The following RAB6A variants were observed in gnomAD, a reference collection of about 807,000 sequenced individuals.
RAB6A encodes the protein RAB6A, member RAS oncogene family.
A neutral mutation model predicts 32.3 loss-of-function variants in RAB6A; 8 were observed. That is an observed-to-expected ratio of 0.25 (90% confidence interval 0.15 to 0.45). RAB6A has a LOEUF of 0.45. RAB6A is among the 20% of genes least tolerant of loss of function. The pLI is 1.00. For missense variants in RAB6A, 104 were observed against 249.4 expected, an observed-to-expected ratio of 0.42 and a Z score of 3.93; for synonymous variants, 73 against 82.1, an observed-to-expected ratio of 0.89 and a Z score of 0.60.
At chr11:73,678,553 G>A (rs1432229936) in intron 7 of RAB6A, among the ~76,000 whole-genome samples, 2 of 150,408 alleles carry the variant, frequency 1.3e-5, no homozygotes, top group Admixed American at 1.3e-4. Context: ...GGAGGCAGAG[G>A]TTGTGGTGAG....
At chr11:73,719,694 C>T (rs947108404) in intron 3 of RAB6A, among the ~76,000 whole-genome samples, 19 of 151,666 alleles carry the variant, frequency 1.3e-4, no homozygotes, top group Non-Finnish European at 2.1e-4. Flanking sequence ...CGGCTCACTG[C>T]AACCTCTGCC....
At chr11:73,701,786 G>A (rs2134906905) in intron 6 of RAB6A, among the ~76,000 whole-genome samples, 1 of 152,200 alleles carries the variant, frequency 6.6e-6, no homozygotes, top group Non-Finnish European at 1.5e-5. Context: ...CCAAGTAGTT[G>A]GGACTACCAC....
At chr11:73,740,587 T>TAA (rs937295662) in intron 1 of RAB6A, among the ~76,000 whole-genome samples, 8 of 146,172 alleles carry the variant, frequency 5.5e-5, no homozygotes, top group African/African-American at 2.0e-4. Flanking sequence ...AAAGTTAATT[T>TAA]AAAAAAAAAA....
intron 2 of RAB6A, among the ~76,000 whole-genome samples, chr11:73,725,047 TAGG>T (rs994612580): frequency 8.5e-5 from 13 of 152,190 alleles, no homozygotes; most frequent in African/African-American, 2.9e-4. Context: ...TGGCTTTTGA[TAGG>T]AGGAGGGCAT....
chr11:73,741,042 ATATT>A (rs1414320900), intron 1 of RAB6A, among the ~76,000 whole-genome samples: 2 of 152,316 alleles, frequency 1.3e-5, no homozygotes, highest in South Asian at 2.1e-4. Flanking sequence ...CTCCACAATA[ATATT>A]TATTAGATCT....
chr11:73,748,374 A>T (rs1232144762), intron 1 of RAB6A, among the ~76,000 whole-genome samples: 1 of 152,234 alleles, frequency 6.6e-6, no homozygotes. Flanking sequence ...CTCTTTGAGC[A>T]GCCATAGCAA....
chr11:73,710,378 G>A (rs1020597047), intron 5 of RAB6A, among the ~76,000 whole-genome samples: 5 of 151,798 alleles, frequency 3.3e-5, no homozygotes, highest in Non-Finnish European at 4.4e-5. Context: ...TTTATTTTAT[G>A]CAGAATACAG....
At chr11:73,710,816 G>A (rs573136873) in intron 5 of RAB6A, among the ~76,000 whole-genome samples, 2 of 150,732 alleles carry the variant, frequency 1.3e-5, no homozygotes, top group South Asian at 4.2e-4. Flanking sequence ...TGGCAGGATT[G>A]TAGCTCACTG....
At chr11:73,681,779 A>T (rs927064312) in intron 6 of RAB6A, among the ~76,000 whole-genome samples, 1 of 152,218 alleles carries the variant, frequency 6.6e-6, no homozygotes, top group Non-Finnish European at 1.5e-5. Flanking sequence ...ACTGCACTGC[A>T]GCCTGGGCGA....
intron 1 of RAB6A, among the ~76,000 whole-genome samples, chr11:73,755,966 AAC>A (rs1157657378): frequency 6.6e-6 from 1 of 152,152 alleles, no homozygotes; most frequent in African/African-American, 2.4e-5. Context: ...CAACTACATT[AAC>A]AGAGCTCTTC....
Position 73,677,538 on chromosome 11 carries a change from A to C in RAB6A, c.*360T>G, listed in dbSNP as rs1048383426. On this transcript the variant is annotated 3_prime_UTR_variant, in exon 8 of 8. Transcript: ENST00000336083. The stretch of plus-strand genomic sequence containing the variant: ...GCAAGGAGAGATAAAGTAGGCTGTG[A>C]ACATACCGCTCGTTAACCAAGCCAT... 7 of 474,182 alleles carry C rather than the reference A, an allele frequency of 1.5e-5. No homozygotes were observed. The highest frequency in any genetic ancestry group is 1.4e-4 in the African/African-American group (7 of 49,852). The allele number at this position is 474,182 out of a possible 1,614,324, so 29.4% of individuals were successfully genotyped here. A position where few individuals can be genotyped will look rare whatever the true frequency, so the allele number is the denominator to read the frequency against.
chr11:73,712,726 G>A (rs1373542761), intron 5 of RAB6A, among the ~76,000 whole-genome samples: 2 of 51,074 alleles, frequency 3.9e-5, no homozygotes, highest in Non-Finnish European at 7.8e-5. Flanking sequence ...TAATTATAGA[G>A]GCTTTTTTTT....
chr11:73,698,426 A>C (rs1025218139), intron 6 of RAB6A, among the ~76,000 whole-genome samples: 1 of 152,316 alleles, frequency 6.6e-6, no homozygotes, highest in South Asian at 2.1e-4. Flanking sequence ...CTTTGGTTTC[A>C]TATCAGTGAA....
At chr11:73,727,748 T>C (rs1211987772) in intron 2 of RAB6A, among the ~76,000 whole-genome samples, 1 of 152,204 alleles carries the variant, frequency 6.6e-6, no homozygotes, top group Non-Finnish European at 1.5e-5. Flanking sequence ...GATTTTAAGA[T>C]TACCCTAAAA....
intron 2 of RAB6A, chr11:73,722,664 A>G (rs984446907): frequency 2.0e-5 from 3 of 152,030 alleles, no homozygotes; most frequent in African/African-American, 4.8e-5. Context: ...TGAAAAATCA[A>G]TGCAATGTTG....
rs900586492 is a variant in RAB6A, at chr11:73,755,174, G to A, written c.70+5392C>T. Among the ~76,000 whole-genome samples the A allele has an allele frequency of 5.3e-5, 8 of 151,824 alleles. No homozygotes were observed. The East Asian group carries it at 1.6e-3, about 30-fold the overall frequency. ...TCAAACTTCTGGCCTCAAGTGATCC[G>A]CCCACCTCGGCCTCTCAAAATGCTG... On this transcript the variant is annotated intron_variant, in intron 1 of 7. Transcript: ENST00000336083.
At chr11:73,751,997 C>G (rs1946676168) in intron 1 of RAB6A, among the ~76,000 whole-genome samples, 1 of 151,958 alleles carries the variant, frequency 6.6e-6, no homozygotes. Context: ...AGCAAATAGC[C>G]AAGAAACACT....
In RAB6A at chr11:73,722,339, ATATATTTTTTT is replaced by A. The variant is rs1203097646; in HGVS notation, c.130-1451_130-1441del. On this transcript the variant is annotated intron_variant, in intron 2 of 7. Coordinates refer to ENST00000336083, the MANE Select transcript of RAB6A (RefSeq NM_198896.2). Reference sequence around the variant, plus strand: ...TATATATATATATATATATATATATATATATTTTTTTTTTTTTTTTTTTTTTTTGAGACAGT... The same window carrying A: ...TATATATATATATATATATATATATATTTTTTTTTTTTTTTTTGAGACAGT... 53 of 10,624 alleles carry A rather than the reference ATATATTTTTTT, an allele frequency of 5.0e-3. 2 individuals carry two copies. The highest frequency in any genetic ancestry group is 6.6e-3 in the African/African-American group (31 of 4,702). 0.7% of individuals were successfully genotyped at this position (10,624 alleles called of 1,614,324 possible). A position where few individuals can be genotyped will look rare whatever the true frequency, so the allele number is the denominator to read the frequency against.
Position 73,760,901 on chromosome 11 carries a change from G to A in RAB6A, c.-266C>T, listed in dbSNP as rs538066092. On this transcript the variant is annotated 5_prime_UTR_variant, in exon 1 of 8. Coordinates refer to ENST00000336083, the MANE Select transcript of RAB6A (RefSeq NM_198896.2). ...GGCGGTGTCGGCAGGAGCCAGGGGT[G>A]TCCTCTGGCTTCCCAAAGCTAGGGC... 6.1e-5 allele frequency: 27 copies of A among 441,288 alleles called. No individual in the cohort carries two copies. The highest frequency in any genetic ancestry group is 5.3e-4 in the African/African-American group (26 of 48,946). The allele number at this position is 441,288 out of a possible 1,614,324, so 27.3% of individuals were successfully genotyped here.
Sources: gnomAD v4.1 joint callset for allele counts (sites outside exome capture counted in the v4.1 genomes callset) on GRCh38, gnomAD v4.1.1 for gene constraint, MANE v1.5 for transcripts, NCBI Gene and HGNC (gene_info 2026-07-23, HGNC 2026-07-21) for gene names.